Variants in TNRC18 observed in about 807,000 individuals in gnomAD.
TNRC18 encodes the protein trinucleotide repeat-containing gene 18 protein.
TNRC18 carries 69 observed loss-of-function variants against 226.7 expected under a neutral mutation model. That is an observed-to-expected ratio of 0.30 (90% CI 0.25 to 0.37). The LOEUF is 0.37. Among genes scored for constraint, TNRC18 ranks in the 10% least tolerant of loss-of-function variants. TNRC18 has a pLI of 1.00. For missense variants in TNRC18, 4,754 were observed against 4,256.6 expected (o/e 1.12, Z -3.25); for synonymous variants, 2,449 against 1,927.6 (o/e 1.27, Z -7.09).
chr7:5,391,112 T>G (rs1368017222), intron 3 of TNRC18, among the ~76,000 whole-genome samples: 1 of 152,042 alleles, frequency 6.6e-6, no homozygotes, highest in Non-Finnish European at 1.5e-5. Flanking sequence ...ACACAGGCCC[T>G]TTCTCTGCTG....
At chr7:5,422,256 G>T (rs1782630546) in intron 1 of TNRC18, among the ~76,000 whole-genome samples, 1 of 152,172 alleles carries the variant, frequency 6.6e-6, no homozygotes, top group African/African-American at 2.4e-5. Context: ...CGAGGACCTG[G>T]CCTGGCGTGG....
In TNRC18 at chr7:5,315,015, A is replaced by G; in HGVS notation, c.6996T>C (p.Arg2332=). ...TGGCCTTGGCGCTGGGTTTCCGCCC[A>G]CGCCCACGGGCCTTGGCTCCTGGCT... ...SEEPGAKARG[R]GRKPSAKAKG... The change falls in exon 26 of 30, where the codon CGT becomes CGC. Residue 2332 remains arginine (R), a synonymous_variant. Coordinates refer to ENST00000430969, the MANE Select transcript of TNRC18 (RefSeq NM_001080495.3). The G allele has an allele frequency of 6.2e-7, 1 of 1,608,022 alleles. No individual in the cohort carries two copies. The highest frequency in any genetic ancestry group is 8.5e-7 in the Non-Finnish European group (1 of 1,178,000).
chr7:5,346,991 G>C (rs1398287723), intron 17 of TNRC18, among the ~76,000 whole-genome samples: 1 of 152,024 alleles, frequency 6.6e-6, no homozygotes, highest in African/African-American at 2.4e-5. Flanking sequence ...GGCCCAATGG[G>C]GTTAAGCACT....
At chr7:5,321,660 T>C (rs1038405788) in intron 21 of TNRC18, among the ~76,000 whole-genome samples, 1 of 150,926 alleles carries the variant, frequency 6.6e-6, no homozygotes, top group Non-Finnish European at 1.5e-5. Context: ...TATTTATTTA[T>C]TTATTTATTT....
intron 2 of TNRC18, among the ~76,000 whole-genome samples, chr7:5,414,324 T>C (rs1782024494): frequency 6.6e-6 from 1 of 150,948 alleles, no homozygotes; most frequent in South Asian, 2.1e-4. Context: ...TATTTATAGA[T>C]ATAAAATAGA....
chr7:5,368,760 G>C (rs912825281), intron 11 of TNRC18, among the ~76,000 whole-genome samples: 1 of 151,888 alleles, frequency 6.6e-6, no homozygotes, highest in Non-Finnish European at 1.5e-5. Flanking sequence ...AAGTAAATAT[G>C]TGTATGTGTG....
chr7:5,357,400 T>A lies in TNRC18; in HGVS notation c.4834-124A>T, dbSNP rs949028883. On this transcript the variant is annotated intron_variant, in intron 15 of 29. Coordinates refer to ENST00000430969, the MANE Select transcript of TNRC18 (RefSeq NM_001080495.3). ...CCTGCCTCTGTGATTTAACTCCTCT[T>A]AGCACGCATATATATTTATTTTTTT... The A allele has an allele frequency of 3.8e-6, 4 of 1,050,318 alleles. No homozygotes were observed. In the Admixed American group the frequency reaches 1.2e-4, roughly 30 times the overall value. 65.1% of individuals were successfully genotyped at this position (1,050,318 alleles called of 1,614,324 possible).
intron 18 of TNRC18, among the ~76,000 whole-genome samples, chr7:5,334,454 G>A (rs1203132453): frequency 7.5e-5 from 9 of 119,250 alleles, no homozygotes; most frequent in Admixed American, 1.0e-4. Context: ...CCGCCACCAC[G>A]CCTGGCATTT....
At chr7:5,322,658 GAC>G (rs1223080884) in intron 21 of TNRC18, among the ~76,000 whole-genome samples, 1 of 152,216 alleles carries the variant, frequency 6.6e-6, no homozygotes, top group Non-Finnish European at 1.5e-5. Context: ...CAAACTTGCC[GAC>G]GGCGGTCACC....
chr7:5,344,148 G>T (rs1310157658), intron 18 of TNRC18, among the ~76,000 whole-genome samples: 3 of 152,226 alleles, frequency 2.0e-5, no homozygotes, highest in Non-Finnish European at 4.4e-5. Flanking sequence ...GATGTTTGGG[G>T]TGTATGAATA....
chr7:5,405,668 A>C (rs528553131), intron 2 of TNRC18, among the ~76,000 whole-genome samples: 1 of 152,124 alleles, frequency 6.6e-6, no homozygotes, highest in African/African-American at 2.4e-5. Context: ...ACGTGAACCC[A>C]GGAGGGGGAG....
chr7:5,360,857 C>G (rs576869249), intron 14 of TNRC18, among the ~76,000 whole-genome samples: 1 of 152,268 alleles, frequency 6.6e-6, no homozygotes, highest in Non-Finnish European at 1.5e-5. Context: ...TTCCCACTGC[C>G]TCTCCTGTGC....
At chr7:5,368,597 G>A (rs1276677808) in intron 11 of TNRC18, among the ~76,000 whole-genome samples, 1 of 148,406 alleles carries the variant, frequency 6.7e-6, no homozygotes, top group African/African-American at 2.5e-5. Context: ...CCTGGGAGGC[G>A]GAAGTTGCAG....
chr7:5,353,717 C>G (rs1343510768), intron 16 of TNRC18, among the ~76,000 whole-genome samples: 1 of 152,160 alleles, frequency 6.6e-6, no homozygotes, highest in Non-Finnish European at 1.5e-5. Context: ...TGCACTCTCT[C>G]TGACCCAGAA....
At chr7:5,332,578 C>T in intron 19 of TNRC18, 44 bp downstream of exon 19, 1 of 1,497,356 alleles carries the variant, frequency 6.7e-7, no homozygotes, top group Non-Finnish European at 8.9e-7. Context: ...CTCACGGAAC[C>T]CCAGGGACCC....
intron 18 of TNRC18, among the ~76,000 whole-genome samples, chr7:5,341,636 C>T (rs1449296012): frequency 3.3e-5 from 5 of 151,668 alleles, no homozygotes; most frequent in African/African-American, 7.3e-5. Context: ...TGGTGGTGCA[C>T]GCCTGTAATC....
At chr7:5,370,243 A>G in intron 11 of TNRC18, 132 bp downstream of exon 11, 2 of 1,085,118 alleles carry the variant, frequency 1.8e-6, no homozygotes, top group Non-Finnish European at 2.6e-6. Flanking sequence ...AGATCACTTG[A>G]GCCCAGGAGT....
At chr7:5,392,536 C>T (rs557157856) in intron 3 of TNRC18, among the ~76,000 whole-genome samples, 10 of 152,284 alleles carry the variant, frequency 6.6e-5, no homozygotes, top group African/African-American at 2.4e-4. Context: ...ATTGCTTGAA[C>T]CCGGGAGGTA....
intron 10 of TNRC18, 85 bp downstream of exon 10, chr7:5,373,970 T>A: frequency 8.8e-7 from 1 of 1,132,334 alleles, no homozygotes; most frequent in East Asian, 3.1e-5. Context: ...GAACGAACGA[T>A]CGAACGGGTC....
Sources: allele counts gnomAD v4.1 joint callset (sites outside exome capture counted in the v4.1 genomes callset), GRCh38; gene constraint gnomAD v4.1.1; transcripts MANE v1.5; gene names NCBI Gene and HGNC (gene_info 2026-07-23, HGNC 2026-07-21).